The following SDK1 variants were observed in gnomAD, a reference collection of about 807,000 sequenced individuals.
SDK1 encodes protein sidekick-1.
SDK1 carries 157 observed loss-of-function variants against 245.5 expected under a neutral mutation model. The observed-to-expected ratio is 0.64, with a 90% CI of 0.56 to 0.73. The LOEUF (loss-of-function observed/expected upper bound fraction) is 0.73. SDK1 is among the 30% of genes least tolerant of loss of function. The pLI is 0.00. For missense variants in SDK1, 3,583 were observed against 3,002.3 expected, an observed-to-expected ratio of 1.19 and a Z score of -4.52; for synonymous variants, 1,647 against 1,278.5, an observed-to-expected ratio of 1.29 and a Z score of -6.15.
intron 1 of SDK1, among the ~76,000 whole-genome samples, chr7:3,363,996 G>C (rs1781021181): frequency 6.6e-6 from 1 of 152,162 alleles, no homozygotes; most frequent in East Asian, 1.9e-4. Context: ...TGGCCATTCT[G>C]AGATGTATGT....
chr7:3,512,327 C>G (rs1211548828), intron 1 of SDK1, among the ~76,000 whole-genome samples: 1 of 152,132 alleles, frequency 6.6e-6, no homozygotes, highest in South Asian at 2.1e-4. Context: ...GAGTAATATT[C>G]CATTGTGTGG....
intron 12 of SDK1, among the ~76,000 whole-genome samples, chr7:3,972,741 G>T (rs571331342): frequency 6.6e-6 from 1 of 152,170 alleles, no homozygotes; most frequent in Non-Finnish European, 1.5e-5. Flanking sequence ...GCGGAGACTC[G>T]GCTGTTCTCT....
At chr7:4,003,508 G>A (rs957033610) in intron 14 of SDK1, among the ~76,000 whole-genome samples, 4 of 152,144 alleles carry the variant, frequency 2.6e-5, no homozygotes, top group East Asian at 1.9e-4. Flanking sequence ...GCAGGATCCC[G>A]TCCAGGATCT....
chr7:3,653,340 G>A (rs771759794), intron 4 of SDK1, among the ~76,000 whole-genome samples: 7 of 152,226 alleles, frequency 4.6e-5, no homozygotes, highest in African/African-American at 1.7e-4. Flanking sequence ...TGAAAAACTC[G>A]GTTGTCACTT....
rs62439621 is a variant in SDK1 at position 4,076,559 on chromosome 7, G to C, written c.3011-439G>C. On this transcript the variant is annotated intron_variant, in intron 20 of 44. Transcript: ENST00000404826. ...CAACAGACTCAAAAATAAATAGATA[G>C]ATACATACATACATATATACATACA... is the stretch of plus-strand genomic sequence containing the variant. Among the ~76,000 whole-genome samples the C allele has an allele frequency of 3.7e-4, 56 of 151,704 alleles. 1 individual carries two copies. Among genetic ancestry groups the C allele is most frequent in the African/African-American group, 1.1e-3 (46 of 41,222 alleles).
chr7:3,484,199 C>G (rs917284989), intron 1 of SDK1, among the ~76,000 whole-genome samples: 2 of 152,190 alleles, frequency 1.3e-5, no homozygotes, highest in Non-Finnish European at 2.9e-5. Context: ...CCCACGGATA[C>G]AAAATTTCAC....
intron 5 of SDK1, among the ~76,000 whole-genome samples, chr7:3,866,145 G>T (rs1780816013): frequency 6.6e-6 from 1 of 152,204 alleles, no homozygotes; most frequent in Non-Finnish European, 1.5e-5. Flanking sequence ...GTTCTTGGGA[G>T]GCTGAATTCT....
chr7:3,534,916 C>A (rs766311077), intron 1 of SDK1, among the ~76,000 whole-genome samples: 6 of 152,154 alleles, frequency 3.9e-5, no homozygotes, highest in Non-Finnish European at 7.4e-5. Flanking sequence ...GCAGACAAGA[C>A]AGCGCCAGTC....
At position 4,265,951 on chromosome 7, in the gene SDK1, G is replaced by A. The variant is rs182225745; in HGVS notation, c.*567G>A. 4.3e-4 allele frequency: 422 copies of A among 985,676 alleles called. 2 individuals are homozygous for A. The African/African-American group carries it at 6.8e-3, about 16-fold the overall frequency. The allele number at this position is 985,676 out of a possible 1,614,324, so 61.1% of individuals were successfully genotyped here. A position where few individuals can be genotyped will look rare whatever the true frequency, so the allele number is the denominator to read the frequency against. Reference sequence around the variant, plus strand: ...TTCTGAAATGTTCTCACTTGGCAGTGTCTAGTCAAGGAGTCGGCTTTCAGG... The same window carrying A: ...TTCTGAAATGTTCTCACTTGGCAGTATCTAGTCAAGGAGTCGGCTTTCAGG... On this transcript the variant is annotated 3_prime_UTR_variant, in exon 45 of 45. Transcript: ENST00000404826.
chr7:3,637,321 T>C (rs1782491433), intron 2 of SDK1, among the ~76,000 whole-genome samples: 1 of 152,208 alleles, frequency 6.6e-6, no homozygotes, highest in African/African-American at 2.4e-5. Flanking sequence ...GGTGTCAAAC[T>C]CCTGGCCTCA....
At chr7:3,313,625 T>C (rs1779599855) in intron 1 of SDK1, among the ~76,000 whole-genome samples, 1 of 152,200 alleles carries the variant, frequency 6.6e-6, no homozygotes, top group Non-Finnish European at 1.5e-5. Context: ...CCACTACAAG[T>C]ACTCATACTG....
chr7:3,924,279 G>A (rs1779693839), intron 5 of SDK1, among the ~76,000 whole-genome samples: 1 of 152,100 alleles, frequency 6.6e-6, no homozygotes, highest in African/African-American at 2.4e-5. Flanking sequence ...GAGTTAGGAT[G>A]GCTCAGTTCA....
At chr7:3,357,623 C>T (rs892391396) in intron 1 of SDK1, among the ~76,000 whole-genome samples, 3 of 151,836 alleles carry the variant, frequency 2.0e-5, no homozygotes, top group African/African-American at 7.3e-5. Flanking sequence ...GCTGGGATGA[C>T]AGGCATGAGC....
intron 1 of SDK1, among the ~76,000 whole-genome samples, chr7:3,372,838 C>A: frequency 1.3e-5 from 2 of 152,274 alleles, no homozygotes; most frequent in Non-Finnish European, 2.9e-5. Flanking sequence ...GATTTTATTT[C>A]AAAAGCCAGA....
At chr7:3,994,962 G>C (rs893236230) in intron 14 of SDK1, among the ~76,000 whole-genome samples, 1 of 152,116 alleles carries the variant, frequency 6.6e-6, no homozygotes, top group African/African-American at 2.4e-5. Context: ...GCTGGGGCTG[G>C]GCAGGAAGGC....
At chr7:3,489,919 T>C (rs1762256243) in intron 1 of SDK1, among the ~76,000 whole-genome samples, 2 of 152,224 alleles carry the variant, frequency 1.3e-5, no homozygotes, top group African/African-American at 4.8e-5. Context: ...AGAAATGATA[T>C]TGCCAATTAC....
intron 1 of SDK1, among the ~76,000 whole-genome samples, chr7:3,474,095 T>TTTG (rs1781269826): frequency 9.0e-6 from 1 of 111,000 alleles, no homozygotes; most frequent in Non-Finnish European, 1.8e-5. Context: ...GATGGTGTTT[T>TTTG]TTTTTTTTTT....
chr7:3,590,875 C>T (rs111603550), intron 1 of SDK1, among the ~76,000 whole-genome samples: 1 of 151,238 alleles, frequency 6.6e-6, no homozygotes, highest in African/African-American at 2.4e-5. Context: ...CTTGACCTCC[C>T]AGGCTCAAGC....
chr7:3,400,208 T>C (rs978684914), intron 1 of SDK1, among the ~76,000 whole-genome samples: 2 of 152,100 alleles, frequency 1.3e-5, no homozygotes, highest in African/African-American at 2.4e-5. Flanking sequence ...GAGAGAGGGA[T>C]GGAGTAGACC....
Sources: allele counts gnomAD v4.1 joint callset (sites outside exome capture counted in the v4.1 genomes callset), GRCh38; gene constraint gnomAD v4.1.1; transcripts MANE v1.5; gene names NCBI Gene and HGNC (gene_info 2026-07-23, HGNC 2026-07-21).